The following CCDC7 variants were observed in gnomAD, a reference collection of about 807,000 sequenced individuals.
The protein encoded by CCDC7 is coiled-coil domain containing 7, also known as coiled-coil domain-containing protein 7.
Under a neutral mutation model 196.9 loss-of-function variants are expected in CCDC7, and 183 were observed. The observed-to-expected ratio is 0.93, with a 90% confidence interval of 0.82 to 1.05. CCDC7 has a LOEUF of 1.05. Ranked by LOEUF, CCDC7 falls within the 50% of genes least tolerant of loss-of-function variation. CCDC7 has a pLI of 0.00. For missense variants in CCDC7, 1,540 were observed against 1,482.2 expected (o/e 1.04, Z -0.64); for synonymous variants, 525 against 484.6 (o/e 1.08, Z -1.10).
At chr10:32,505,568 T>C (rs1353285942) in intron 9 of CCDC7, among the ~76,000 whole-genome samples, 1 of 152,188 alleles carries the variant, frequency 6.6e-6, no homozygotes, top group Non-Finnish European at 1.5e-5. Flanking sequence ...TGGAGTCTCC[T>C]ATGTCTACTT....
intron 21 of CCDC7, among the ~76,000 whole-genome samples, chr10:32,671,554 A>AT (rs1292624852): frequency 3.0e-4 from 46 of 152,266 alleles, no homozygotes; most frequent in African/African-American, 8.9e-4. Flanking sequence ...AATGTTTTGA[A>AT]TTTTTTATGA....
At chr10:32,759,206 C>T (rs1565419794) in intron 28 of CCDC7, among the ~76,000 whole-genome samples, 1 of 152,176 alleles carries the variant, frequency 6.6e-6, no homozygotes, top group African/African-American at 2.4e-5. Flanking sequence ...CCCCATCAAG[C>T]TACCAATGAC....
chr10:32,763,846 C>T (rs538852617), intron 28 of CCDC7, among the ~76,000 whole-genome samples: 1 of 151,794 alleles, frequency 6.6e-6, no homozygotes, highest in Admixed American at 6.6e-5. Flanking sequence ...GGAGATGTTA[C>T]AAAAGGGCAC....
At chr10:32,627,672 C>A (rs1417034852) in intron 18 of CCDC7, among the ~76,000 whole-genome samples, 1 of 151,506 alleles carries the variant, frequency 6.6e-6, no homozygotes, top group Non-Finnish European at 1.5e-5. Flanking sequence ...TTATTGTTTA[C>A]ATACATTCCT....
chr10:32,664,250 A>G (rs1008431633), intron 21 of CCDC7, 89 bp downstream of exon 22: 3 of 376,386 alleles, frequency 8.0e-6, no homozygotes, highest in Admixed American at 9.0e-5. Context: ...ATCATGTACT[A>G]CATAGTGTTT....
intron 25 of CCDC7, 48 bp downstream of exon 26, chr10:32,711,778 A>C: frequency 5.0e-5 from 59 of 1,185,288 alleles, no homozygotes; most frequent in Middle Eastern, 2.5e-4. Flanking sequence ...AGTAAATCTC[A>C]AAAGAACTTT....
chr10:32,851,691 G>A (rs1268057975), intron 39 of CCDC7, 116 bp from the exon 41 acceptor site: 20 of 1,019,582 alleles, frequency 2.0e-5, no homozygotes, highest in Non-Finnish European at 2.7e-5. Context: ...TTTTTTAAAT[G>A]TTTGCTTTAT....
At chr10:32,707,285 G>A (rs2079946492) in intron 24 of CCDC7, among the ~76,000 whole-genome samples, 1 of 152,110 alleles carries the variant, frequency 6.6e-6, no homozygotes, top group Non-Finnish European at 1.5e-5. Flanking sequence ...TCATGCTAAA[G>A]ACTCTCAATA....
intron 8 of CCDC7, among the ~76,000 whole-genome samples, chr10:32,477,883 G>C (rs2039300264): frequency 6.6e-6 from 1 of 152,000 alleles, no homozygotes; most frequent in South Asian, 2.1e-4. Context: ...TACCTTGCTG[G>C]GATTTTGATT....
At chr10:32,745,153 C>T (rs2074499655) in intron 28 of CCDC7, among the ~76,000 whole-genome samples, 1 of 152,144 alleles carries the variant, frequency 6.6e-6, no homozygotes, top group African/African-American at 2.4e-5. Flanking sequence ...CTTCTGGGCT[C>T]TCTGTTCTGT....
At chr10:32,785,674 G>T (rs888507406) in intron 29 of CCDC7, among the ~76,000 whole-genome samples, 6 of 152,060 alleles carry the variant, frequency 3.9e-5, no homozygotes, top group Non-Finnish European at 7.4e-5. Context: ...AGTTTACAAA[G>T]ACTTATGCAT....
chr10:32,596,736 C>G (rs188446057), intron 18 of CCDC7, among the ~76,000 whole-genome samples: 1 of 152,182 alleles, frequency 6.6e-6, no homozygotes, highest in Non-Finnish European at 1.5e-5. Context: ...AACAAAATCT[C>G]TCCGCATTTG....
chr10:32,474,150 C>T, intron 8 of CCDC7, 127 bp downstream of exon 9: 1 of 718,404 alleles, frequency 1.4e-6, no homozygotes. Context: ...TATAGTTGAG[C>T]TGGTTGTCAA....
intron 33 of CCDC7, among the ~76,000 whole-genome samples, chr10:32,844,340 AAGATATG>A (rs2136149245): frequency 6.6e-6 from 1 of 152,080 alleles, no homozygotes; most frequent in East Asian, 1.9e-4. Context: ...CAAACTCAAG[AAGATATG>A]AAAGTCACAT....
intron 11 of CCDC7, among the ~76,000 whole-genome samples, chr10:32,524,724 T>C (rs1202438052): frequency 1.3e-5 from 2 of 152,230 alleles, no homozygotes; most frequent in South Asian, 2.1e-4. Context: ...GCCTGTAAGT[T>C]TTCCACTGAA....
chr10:32,635,885 A>G (rs1003789879), intron 20 of CCDC7, among the ~76,000 whole-genome samples: 1 of 151,924 alleles, frequency 6.6e-6, no homozygotes. Context: ...ATTATTGATA[A>G]TTTCTATGTT....
chr10:32,813,629 C>T lies in CCDC7; in HGVS notation c.3098-741C>T, dbSNP rs565020167. ...TTGACCTATGGAAAAAAATGTTCCA[C>T]CTCACATAGTACATACCTACAGGTT... On this transcript the variant is annotated intron_variant, in intron 30 of 41. Transcript: ENST00000639629. Among the ~76,000 whole-genome samples, 7 of 152,298 alleles carry T rather than the reference C, an allele frequency of 4.6e-5. No individual in the cohort carries two copies. In the South Asian group the frequency reaches 6.2e-4, roughly 14 times the overall value.
At chr10:32,446,869 C>A (rs2031257059), upstream of CCDC7, among the ~76,000 whole-genome samples, 1 of 128,062 alleles carries the variant, frequency 7.8e-6, no homozygotes, top group South Asian at 2.5e-4. Context: ...TTTTTTTTTG[C>A]ACCAAGTGAG....
At chr10:32,774,675 C>T (rs1266056972) in intron 28 of CCDC7, among the ~76,000 whole-genome samples, 1 of 152,050 alleles carries the variant, frequency 6.6e-6, no homozygotes, top group Non-Finnish European at 1.5e-5. Context: ...GCTGGGAGAT[C>T]TTCTAGTCTG....
Sources: gnomAD v4.1 joint callset for allele counts (sites outside exome capture counted in the v4.1 genomes callset) on GRCh38, gnomAD v4.1.1 for gene constraint, MANE v1.5 for transcripts, NCBI Gene and HGNC (gene_info 2026-07-23, HGNC 2026-07-21) for gene names.